Variants in RASSF8 observed in about 807,000 individuals in gnomAD.
The protein encoded by RASSF8 is ras association domain-containing protein 8.
Under a neutral mutation model 48.5 loss-of-function variants are expected in RASSF8, and 22 were observed. That is an observed-to-expected ratio of 0.45 (90% CI 0.32 to 0.65). The LOEUF (loss-of-function observed/expected upper bound fraction) is 0.65. RASSF8 is among the 30% of genes least tolerant of loss of function. The probability of loss-of-function intolerance (pLI) is 0.03; values close to 1 mark genes in which losing one functional copy is unlikely to be tolerated. For missense variants in RASSF8, 418 were observed against 489.2 expected (o/e 0.85, Z 1.37); for synonymous variants, 127 against 171.5 (o/e 0.74, Z 2.03).
downstream of RASSF8, among the ~76,000 whole-genome samples, chr12:26,073,063 T>C (rs571232889): frequency 2.5e-4 from 38 of 152,348 alleles, no homozygotes; most frequent in African/African-American, 8.7e-4. Flanking sequence ...TACTATGCCT[T>C]TTATTTCAAA....
At position 26,071,535 on chromosome 12, in the gene RASSF8, C is replaced by A. The variant is rs1042806399; in HGVS notation, c.*2717C>A. 7 of 975,650 alleles carry A rather than the reference C, an allele frequency of 7.2e-6. No individual in the cohort carries two copies. The highest frequency in any genetic ancestry group is 5.3e-4 in the Middle Eastern group (1 of 1,898). 60.4% of individuals were successfully genotyped at this position (975,650 alleles called of 1,614,324 possible). On this transcript the variant is annotated 3_prime_UTR_variant, in exon 6 of 6. Transcript: ENST00000689635. ...TTGGTATATTTGACCTTTTGAGTGT[C>A]TGTCATCCTCAGAGAATGGCCCATA...
intron 1 of RASSF8, among the ~76,000 whole-genome samples, chr12:25,982,740 CAT>C (rs1432136793): frequency 6.6e-6 from 1 of 152,168 alleles, no homozygotes; most frequent in Non-Finnish European, 1.5e-5. Context: ...AATGTCTCCA[CAT>C]AGAGCTGGGA....
At chr12:25,997,960 T>C (rs1942169992) in intron 2 of RASSF8, among the ~76,000 whole-genome samples, 1 of 152,210 alleles carries the variant, frequency 6.6e-6, no homozygotes, top group African/African-American at 2.4e-5. Flanking sequence ...TTTCTGATAA[T>C]GTATCGCAAA....
chr12:25,990,524 G>A (rs1352272089), intron 1 of RASSF8, among the ~76,000 whole-genome samples: 4 of 152,084 alleles, frequency 2.6e-5, no homozygotes, highest in Non-Finnish European at 5.9e-5. Context: ...TAGCTTAATA[G>A]CATCATAATG....
At chr12:26,063,792 A>G (rs1485442867) in intron 3 of RASSF8, among the ~76,000 whole-genome samples, 1 of 151,848 alleles carries the variant, frequency 6.6e-6, no homozygotes, top group African/African-American at 2.4e-5. Context: ...AAAACTGAAC[A>G]AGTCTTCTCT....
intron 1 of RASSF8, among the ~76,000 whole-genome samples, chr12:25,964,058 G>T (rs1332546007): frequency 2.0e-5 from 3 of 152,228 alleles, no homozygotes; most frequent in African/African-American, 7.2e-5. Flanking sequence ...TTTGCCTCGT[G>T]TAGGCCCTCT....
At chr12:26,049,805 A>T (rs1018915316) in intron 2 of RASSF8, among the ~76,000 whole-genome samples, 1 of 152,134 alleles carries the variant, frequency 6.6e-6, no homozygotes, top group South Asian at 2.1e-4. Flanking sequence ...GTTTTTTGAG[A>T]CGGAGTCTCG....
chr12:26,036,743 A>C (rs1434243482), intron 2 of RASSF8, among the ~76,000 whole-genome samples: 2 of 151,934 alleles, frequency 1.3e-5, no homozygotes, highest in East Asian at 3.9e-4. Flanking sequence ...CCCTGTCTCT[A>C]CTAAAAAAAT....
chr12:26,047,902 G>A (rs1032130013), intron 2 of RASSF8, among the ~76,000 whole-genome samples: 2 of 152,228 alleles, frequency 1.3e-5, no homozygotes, highest in Non-Finnish European at 2.9e-5. Context: ...AGGTCAGGTT[G>A]CAAGCAGGTA....
chr12:26,039,967 TG>T (rs1417162286), intron 2 of RASSF8, among the ~76,000 whole-genome samples: 5 of 152,236 alleles, frequency 3.3e-5, no homozygotes, highest in African/African-American at 9.6e-5. Flanking sequence ...TGTCTGACCC[TG>T]GTAATACTGT....
chr12:26,015,725 T>C (rs927526086), intron 2 of RASSF8, among the ~76,000 whole-genome samples: 34 of 152,230 alleles, frequency 2.2e-4, no homozygotes, highest in African/African-American at 7.2e-4. Context: ...CCTATTGTGT[T>C]GTAAGAAATG....
In RASSF8 at chr12:26,023,732, GTGTT is replaced by G. The variant is rs920993690; in HGVS notation, c.-109+28607_-109+28610del. Among the ~76,000 whole-genome samples the G allele has an allele frequency of 4.6e-5, 7 of 152,208 alleles. No individual in the cohort carries two copies. In the South Asian group the frequency reaches 8.3e-4, roughly 18 times the overall value. On this transcript the variant is annotated intron_variant, in intron 2 of 5. Coordinates refer to ENST00000689635, the MANE Select transcript of RASSF8 (RefSeq NM_001394098.1). Reference sequence around the variant, plus strand: ...TAATTACAAAAGATAGTATAGATGTGTGTTTGTTCTTTTTTTATTCTAGTAACTG... The same window carrying G: ...TAATTACAAAAGATAGTATAGATGTGTGTTCTTTTTTTATTCTAGTAACTG...
downstream of RASSF8, among the ~76,000 whole-genome samples, chr12:26,075,905 T>C (rs1591827481): frequency 1.3e-5 from 2 of 152,188 alleles, no homozygotes; most frequent in South Asian, 2.1e-4. Flanking sequence ...GTGACAGTCA[T>C]TGGGCACAGC....
chr12:25,969,489 T>C (rs1284266339), intron 1 of RASSF8, among the ~76,000 whole-genome samples: 1 of 152,150 alleles, frequency 6.6e-6, no homozygotes, highest in African/African-American at 2.4e-5. Context: ...TCTGCTGTTA[T>C]ATGGAAAGTG....
chr12:26,040,314 A>G (rs1943236556), intron 2 of RASSF8, among the ~76,000 whole-genome samples: 1 of 152,214 alleles, frequency 6.6e-6, no homozygotes, highest in Non-Finnish European at 1.5e-5. Context: ...TCATTCTGCC[A>G]CTAGTAAGTA....
intron 2 of RASSF8, among the ~76,000 whole-genome samples, chr12:26,034,376 C>T (rs61914245): frequency 0.08 from 11,727 of 146,616 alleles, 514 homozygotes; most frequent in African/African-American, 0.12. Flanking sequence ...TTGGGCAACA[C>T]ATAAAATACA....
At chr12:26,060,088 G>T (rs569761273) in intron 3 of RASSF8, among the ~76,000 whole-genome samples, 1 of 152,092 alleles carries the variant, frequency 6.6e-6, no homozygotes, top group African/African-American at 2.4e-5. Flanking sequence ...TAGTAGAGAC[G>T]GGGTTTCACC....
chr12:25,980,311 A>G (rs1941710092), intron 1 of RASSF8, among the ~76,000 whole-genome samples: 1 of 152,176 alleles, frequency 6.6e-6, no homozygotes, highest in South Asian at 2.1e-4. Context: ...TCTTTCCGTA[A>G]TCTATTCTAA....
At chr12:25,984,887 G>A (rs184703309) in intron 1 of RASSF8, among the ~76,000 whole-genome samples, 1 of 152,250 alleles carries the variant, frequency 6.6e-6, no homozygotes, top group Non-Finnish European at 1.5e-5. Context: ...GATTAACACA[G>A]GCAATAAATC....
Sources: allele counts gnomAD v4.1 joint callset (sites outside exome capture counted in the v4.1 genomes callset), GRCh38; gene constraint gnomAD v4.1.1; transcripts MANE v1.5; gene names NCBI Gene and HGNC (gene_info 2026-07-23, HGNC 2026-07-21).